Variants in HCN1 observed in about 807,000 individuals in gnomAD.
HCN1 encodes the protein potassium/sodium hyperpolarization-activated cyclic nucleotide-gated channel 1.
In HCN1, 13 loss-of-function variants were observed where a neutral mutation model predicts 78.9. That is an observed-to-expected ratio of 0.16 (90% confidence interval 0.11 to 0.26). HCN1 has a LOEUF of 0.26. Among genes scored for constraint, HCN1 ranks in the 10% least tolerant of loss-of-function variants. The pLI is 1.00. For missense variants in HCN1, 810 were observed against 1,154.3 expected (o/e 0.70, Z 4.32); for synonymous variants, 552 against 455.5 (o/e 1.21, Z -2.70).
At chr5:45,471,670 G>C (rs565534717) in intron 2 of HCN1, among the ~76,000 whole-genome samples, 2 of 151,854 alleles carry the variant, frequency 1.3e-5, no homozygotes, top group African/African-American at 4.8e-5. Flanking sequence ...CTTACAATGT[G>C]TATTTTCTTC....
At chr5:45,630,631 C>T (rs1225370587) in intron 2 of HCN1, among the ~76,000 whole-genome samples, 1 of 152,098 alleles carries the variant, frequency 6.6e-6, no homozygotes, top group East Asian at 1.9e-4. Flanking sequence ...GCTATGAGGA[C>T]TTAAGTTTCT....
At chr5:45,316,412 T>A (rs1471900044) in intron 5 of HCN1, among the ~76,000 whole-genome samples, 1 of 152,032 alleles carries the variant, frequency 6.6e-6, no homozygotes, top group Non-Finnish European at 1.5e-5. Flanking sequence ...TGGGACGTAT[T>A]TCAAAATAAT....
chr5:45,622,649 A>T (rs541304703), intron 2 of HCN1, among the ~76,000 whole-genome samples: 31 of 152,280 alleles, frequency 2.0e-4, no homozygotes, highest in Non-Finnish European at 4.4e-4. Flanking sequence ...TTTCTTTGAA[A>T]AAAAGAAAAA....
intron 6 of HCN1, among the ~76,000 whole-genome samples, chr5:45,278,634 TAAG>T (rs1429034977): frequency 6.6e-6 from 1 of 152,160 alleles, no homozygotes; most frequent in Non-Finnish European, 1.5e-5. Context: ...TATGGGTTGA[TAAG>T]AAATACTAAT....
chr5:45,497,654 C>G (rs1020952445), intron 2 of HCN1, among the ~76,000 whole-genome samples: 1 of 152,070 alleles, frequency 6.6e-6, no homozygotes, highest in African/African-American at 2.4e-5. Flanking sequence ...GACTCTTTAT[C>G]CAATTCGCCA....
chr5:45,287,748 A>G (rs1476188461), intron 6 of HCN1, among the ~76,000 whole-genome samples: 4 of 152,096 alleles, frequency 2.6e-5, no homozygotes, highest in Admixed American at 6.6e-5. Flanking sequence ...TCATTGCTAT[A>G]GGATTAAGAC....
intron 2 of HCN1, among the ~76,000 whole-genome samples, chr5:45,578,302 C>T (rs1743989467): frequency 6.6e-6 from 1 of 151,892 alleles, no homozygotes; most frequent in African/African-American, 2.4e-5. Flanking sequence ...ATATTCCAAG[C>T]AGTGATTAGG....
At chr5:45,339,759 AAT>A (rs1746536403) in intron 5 of HCN1, among the ~76,000 whole-genome samples, 2 of 152,186 alleles carry the variant, frequency 1.3e-5, no homozygotes, top group African/African-American at 4.8e-5. Flanking sequence ...ATAAAGAAAA[AAT>A]ATTAGTCACA....
intron 4 of HCN1, among the ~76,000 whole-genome samples, chr5:45,378,566 C>A (rs1367093006): frequency 6.6e-6 from 1 of 152,000 alleles, no homozygotes; most frequent in Admixed American, 6.6e-5. Context: ...TCTATCTATC[C>A]ATTCATTGAT....
rs1280994765 is a variant in HCN1 at position 45,354,319 on chromosome 5, G to T, written c.1231-1073C>A. On this transcript the variant is annotated intron_variant, in intron 4 of 7. Coordinates refer to ENST00000303230, the MANE Select transcript of HCN1 (RefSeq NM_021072.4). ...CACACACTGAAAAAAAAATAATTAGGTCTTAAAAATTTTGTTTCATTGTAT... is the reference window on the plus strand; with the variant it reads ...CACACACTGAAAAAAAAATAATTAGTTCTTAAAAATTTTGTTTCATTGTAT... 3.9e-5 allele frequency among the ~76,000 whole-genome samples: 6 copies of T among 151,974 alleles called. No individual in the cohort carries two copies. In the East Asian group the frequency reaches 1.2e-3, roughly 29 times the overall value.
Position 45,259,208 on chromosome 5 carries a change from A to T in HCN1, c.*2713T>A, listed in dbSNP as rs967903801. The T allele has an allele frequency of 3.3e-5, 5 of 151,936 alleles. No individual in the cohort carries two copies. Among genetic ancestry groups the T allele is most frequent in the Non-Finnish European group, 2.9e-5 (2 of 67,900 alleles). The allele number at this position is 151,936 out of a possible 1,614,324, so 9.4% of individuals were successfully genotyped here. A position where few individuals can be genotyped will look rare whatever the true frequency, so the allele number is the denominator to read the frequency against. On this transcript the variant is annotated 3_prime_UTR_variant, in exon 8 of 8. Coordinates refer to ENST00000303230, the MANE Select transcript of HCN1 (RefSeq NM_021072.4). Reference sequence around the variant, plus strand: ...GCTGTACTCATTAATAAAATAAAACATTTGATTAGCATATATTGATAAAAT... The same window carrying T: ...GCTGTACTCATTAATAAAATAAAACTTTTGATTAGCATATATTGATAAAAT...
At chr5:45,450,447 C>T (rs1740893737) in intron 3 of HCN1, among the ~76,000 whole-genome samples, 1 of 152,122 alleles carries the variant, frequency 6.6e-6, no homozygotes, top group South Asian at 2.1e-4. Context: ...ATTTGAATGT[C>T]TCTTTCCTAA....
intron 5 of HCN1, among the ~76,000 whole-genome samples, chr5:45,318,162 A>T (rs1746039763): frequency 6.6e-6 from 1 of 152,184 alleles, no homozygotes; most frequent in Admixed American, 6.5e-5. Context: ...CTTGGAAACA[A>T]CCCAAACGTC....
At chr5:45,493,711 T>C (rs1741950197) in intron 2 of HCN1, among the ~76,000 whole-genome samples, 1 of 151,844 alleles carries the variant, frequency 6.6e-6, no homozygotes, top group African/African-American at 2.4e-5. Flanking sequence ...TAACTCGTCA[T>C]CTAGCATTAG....
At chr5:45,664,739 C>G (rs867144770) in intron 1 of HCN1, among the ~76,000 whole-genome samples, 6 of 151,960 alleles carry the variant, frequency 3.9e-5, no homozygotes, top group Admixed American at 2.0e-4. Flanking sequence ...CAAATCAAAA[C>G]CACACTGAGA....
At chr5:45,348,198 G>A (rs1016609703) in intron 5 of HCN1, among the ~76,000 whole-genome samples, 6 of 152,138 alleles carry the variant, frequency 3.9e-5, no homozygotes, top group Non-Finnish European at 8.8e-5. Context: ...AGAAGAGAGT[G>A]GGGGGCCAGT....
At chr5:45,368,605 G>C (rs1367658575) in intron 4 of HCN1, among the ~76,000 whole-genome samples, 1 of 151,862 alleles carries the variant, frequency 6.6e-6, no homozygotes, top group Non-Finnish European at 1.5e-5. Context: ...ATTAAATCAA[G>C]ATTCATATAC....
In HCN1 at chr5:45,257,785, A is replaced by T. The variant is rs1349627730; in HGVS notation, c.*4136T>A. ...TTCTATCCTATTTTTCCTTGAAAAT[A>T]ACCATATTGAATACAGTTATAGAAC... is the stretch of plus-strand genomic sequence containing the variant. On this transcript the variant is annotated 3_prime_UTR_variant, in exon 8 of 8. Coordinates refer to ENST00000303230, the MANE Select transcript of HCN1 (RefSeq NM_021072.4). The T allele has an allele frequency of 6.6e-6, 1 of 152,214 alleles. No homozygotes were observed. The highest frequency in any genetic ancestry group is 1.5e-5 in the Non-Finnish European group (1 of 68,048). The allele number at this position is 152,214 out of a possible 1,614,324, so 9.4% of individuals were successfully genotyped here.
At chr5:45,496,980 C>A (rs1450421565) in intron 2 of HCN1, among the ~76,000 whole-genome samples, 4 of 152,092 alleles carry the variant, frequency 2.6e-5, no homozygotes, top group Non-Finnish European at 5.9e-5. Flanking sequence ...CATTCAGGAG[C>A]AGGTTGTTCA....
Sources: allele counts gnomAD v4.1 joint callset (sites outside exome capture counted in the v4.1 genomes callset), GRCh38; gene constraint gnomAD v4.1.1; transcripts MANE v1.5; gene names NCBI Gene and HGNC (gene_info 2026-07-23, HGNC 2026-07-21).